CTNNA2: variants seen among roughly 807,000 people sequenced by gnomAD.
The protein encoded by CTNNA2 is catenin alpha-2.
A neutral mutation model predicts 101.0 loss-of-function variants in CTNNA2; 42 were observed. That is an observed-to-expected ratio of 0.42 (90% CI 0.32 to 0.54). The LOEUF is 0.54. Among genes scored for constraint, CTNNA2 ranks in the 20% least tolerant of loss-of-function variants. The pLI is 0.14. For missense variants in CTNNA2, 871 were observed against 1,223.1 expected, an observed-to-expected ratio of 0.71 and a Z score of 4.29; for synonymous variants, 450 against 456.4, an observed-to-expected ratio of 0.99 and a Z score of 0.18.
intron 1 of CTNNA2, among the ~76,000 whole-genome samples, chr2:79,639,409 G>A (rs1680294742): frequency 6.6e-6 from 1 of 152,134 alleles, no homozygotes; most frequent in Admixed American, 6.5e-5. Context: ...ATGCATTATG[G>A]GATTGCACTT....
chr2:79,937,183 T>C (rs1258251653), intron 7 of CTNNA2, among the ~76,000 whole-genome samples: 2 of 151,388 alleles, frequency 1.3e-5, no homozygotes, highest in Non-Finnish European at 2.9e-5. Context: ...TATTTGGTAG[T>C]GCTTTGCTTT....
intron 7 of CTNNA2, among the ~76,000 whole-genome samples, chr2:80,145,482 G>C (rs1389130991): frequency 6.6e-6 from 1 of 152,164 alleles, no homozygotes; most frequent in Non-Finnish European, 1.5e-5. Flanking sequence ...GTACCATGCT[G>C]CCTCCCCAAA....
intron 1 of CTNNA2, among the ~76,000 whole-genome samples, chr2:79,188,884 A>T (rs1673816545): frequency 6.6e-6 from 1 of 152,204 alleles, no homozygotes; most frequent in Non-Finnish European, 1.5e-5. Flanking sequence ...ATTGAAAGCA[A>T]TACACAATGT....
At chr2:80,200,144 T>C (rs1707109935) in intron 7 of CTNNA2, among the ~76,000 whole-genome samples, 1 of 152,222 alleles carries the variant, frequency 6.6e-6, no homozygotes, top group South Asian at 2.1e-4. Flanking sequence ...TTTCCCATTT[T>C]GACCCTTGAG....
chr2:80,568,134 G>A (rs967844358), intron 12 of CTNNA2, among the ~76,000 whole-genome samples: 1 of 152,142 alleles, frequency 6.6e-6, no homozygotes, highest in African/African-American at 2.4e-5. Flanking sequence ...AAGAAGCAGA[G>A]TCCTGAAAGA....
chr2:79,685,861 G>A (rs1166846060), intron 2 of CTNNA2, among the ~76,000 whole-genome samples: 1 of 152,116 alleles, frequency 6.6e-6, no homozygotes, highest in Admixed American at 6.6e-5. Flanking sequence ...GTTCCAAAGA[G>A]GATACTGAGA....
At chr2:80,515,168 C>CTT (rs1559172851) in intron 9 of CTNNA2, among the ~76,000 whole-genome samples, 3 of 148,250 alleles carry the variant, frequency 2.0e-5, no homozygotes, top group African/African-American at 7.4e-5. Context: ...TTTTTTTTCC[C>CTT]CCTTGGAAAC....
intron 2 of CTNNA2, among the ~76,000 whole-genome samples, chr2:79,715,828 C>T (rs567284184): frequency 2.7e-5 from 4 of 148,998 alleles, no homozygotes; most frequent in Non-Finnish European, 4.5e-5. Flanking sequence ...TCAATATATA[C>T]TAGGATAGAT....
chr2:79,459,268 T>G (rs1238034284), intron 4 of CTNNA2, among the ~76,000 whole-genome samples: 1 of 152,162 alleles, frequency 6.6e-6, no homozygotes, highest in East Asian at 1.9e-4. Context: ...GAACTTCTAC[T>G]CATAGTTCTA....
At chr2:79,259,778 G>A (rs1352150510) in intron 2 of CTNNA2, among the ~76,000 whole-genome samples, 3 of 152,098 alleles carry the variant, frequency 2.0e-5, no homozygotes, top group Middle Eastern at 6.3e-3. Flanking sequence ...GGACTGAGAA[G>A]GAACATGAAG....
At chr2:80,458,145 T>C (rs1175532348) in intron 9 of CTNNA2, among the ~76,000 whole-genome samples, 1 of 152,236 alleles carries the variant, frequency 6.6e-6, no homozygotes, top group Non-Finnish European at 1.5e-5. Context: ...CTTTGAAGTC[T>C]TTGAAGAAAT....
intron 18 of CTNNA2, among the ~76,000 whole-genome samples, chr2:80,620,130 G>T (rs1466827598): frequency 6.6e-6 from 1 of 151,812 alleles, no homozygotes; most frequent in African/African-American, 2.4e-5. Flanking sequence ...AAGCACTAGG[G>T]TGGGTGTTCT....
intron 12 of CTNNA2, among the ~76,000 whole-genome samples, chr2:80,567,558 C>A (rs1488390507): frequency 1.3e-5 from 2 of 152,126 alleles, no homozygotes; most frequent in East Asian, 3.9e-4. Flanking sequence ...AATTAGGGGG[C>A]CTCCTGAATA....
chr2:80,643,955 T>G (rs1157562930), intron 18 of CTNNA2, among the ~76,000 whole-genome samples: 1 of 152,136 alleles, frequency 6.6e-6, no homozygotes, highest in Non-Finnish European at 1.5e-5. Flanking sequence ...TTATCAGACA[T>G]AGCCATGATG....
intron 7 of CTNNA2, among the ~76,000 whole-genome samples, chr2:79,912,877 T>A (rs1416704091): frequency 6.6e-6 from 1 of 152,208 alleles, no homozygotes; most frequent in Non-Finnish European, 1.5e-5. Flanking sequence ...ACTTATAATT[T>A]TATGCAGCTT....
At chr2:80,289,348 T>C (rs1179314812) in intron 7 of CTNNA2, among the ~76,000 whole-genome samples, 1 of 152,218 alleles carries the variant, frequency 6.6e-6, no homozygotes, top group Non-Finnish European at 1.5e-5. Context: ...CTATTCTTCA[T>C]CCTGTTTACT....
Position 79,744,278 on chromosome 2 carries a change from A to T in CTNNA2, c.103-109A>T, listed in dbSNP as rs922592327. ...AAGTGATGTGCATTCATGATTTAGT[A>T]TTGAAATCCCATGATTTAATAAACA... On this transcript the variant is annotated intron_variant, in intron 2 of 18. Transcript: ENST00000402739. 4.1e-5 allele frequency: 45 copies of T among 1,084,438 alleles called. 1 individual carries two copies. The South Asian group carries it at 7.8e-4, about 19-fold the overall frequency. The allele number at this position is 1,084,438 out of a possible 1,614,324, so 67.2% of individuals were successfully genotyped here. A position where few individuals can be genotyped will look rare whatever the true frequency, so the allele number is the denominator to read the frequency against.
At chr2:80,122,508 G>A (rs1470062871) in intron 7 of CTNNA2, among the ~76,000 whole-genome samples, 1 of 152,090 alleles carries the variant, frequency 6.6e-6, no homozygotes, top group Non-Finnish European at 1.5e-5. Context: ...GAAAATTGGA[G>A]GGTTGAAGTA....
intron 2 of CTNNA2, among the ~76,000 whole-genome samples, chr2:79,661,463 C>T (rs934992530): frequency 2.0e-5 from 3 of 152,190 alleles, no homozygotes; most frequent in Non-Finnish European, 4.4e-5. Flanking sequence ...TAATGTACTA[C>T]TCAATTGATT....
Sources: allele counts gnomAD v4.1 joint callset (sites outside exome capture counted in the v4.1 genomes callset), GRCh38; gene constraint gnomAD v4.1.1; transcripts MANE v1.5; gene names NCBI Gene and HGNC (gene_info 2026-07-23, HGNC 2026-07-21).